CSTF3: variants seen among roughly 807,000 people sequenced by gnomAD.
CSTF3 encodes the protein cleavage stimulation factor subunit 3, also known as CF-1 77 kDa subunit.
In CSTF3, 29 loss-of-function variants were observed where a neutral mutation model predicts 105.8. That is an observed-to-expected ratio of 0.27 (90% confidence interval 0.20 to 0.37). The LOEUF (loss-of-function observed/expected upper bound fraction) is 0.37, where lower values mean the gene tolerates loss of function less well. Among genes scored for constraint, CSTF3 ranks in the 10% least tolerant of loss-of-function variants. The pLI is 1.00. For synonymous variants in CSTF3, 252 were observed against 281.9 expected (o/e 0.89, Z 1.06); for missense variants, 357 against 879.3 (o/e 0.41, Z 7.51).
chr11:33,094,508 G>A (rs7125950), intron 15 of CSTF3, among the ~76,000 whole-genome samples: 2,575 of 152,172 alleles, frequency 0.017, 84 homozygotes, highest in African/African-American at 0.058. Flanking sequence ...AATCATCTAA[G>A]ACACTGATTT....
At chr11:33,126,783 A>T (rs1855547387) in intron 3 of CSTF3, among the ~76,000 whole-genome samples, 1 of 152,234 alleles carries the variant, frequency 6.6e-6, no homozygotes, top group Non-Finnish European at 1.5e-5. Context: ...AAGTATTCAT[A>T]GTGCCATTAT....
chr11:33,119,105 T>TA (rs1167990905), intron 3 of CSTF3, among the ~76,000 whole-genome samples: 1 of 151,796 alleles, frequency 6.6e-6, no homozygotes, highest in Non-Finnish European at 1.5e-5. Flanking sequence ...ACCATTTACT[T>TA]AAAACTGTTT....
At chr11:33,115,053 T>C (rs1411272174) in intron 3 of CSTF3, among the ~76,000 whole-genome samples, 1 of 152,004 alleles carries the variant, frequency 6.6e-6, no homozygotes. Context: ...CTAAAGTGAG[T>C]TCTTATGGTA....
intron 3 of CSTF3, among the ~76,000 whole-genome samples, chr11:33,126,024 T>C (rs1855539358): frequency 6.6e-6 from 1 of 152,152 alleles, no homozygotes; most frequent in Non-Finnish European, 1.5e-5. Flanking sequence ...GTCTCCTTCA[T>C]AGTATTTTAT....
At chr11:33,143,767 G>C (rs529406200) in intron 1 of CSTF3, among the ~76,000 whole-genome samples, 33 of 151,958 alleles carry the variant, frequency 2.2e-4, no homozygotes, top group African/African-American at 8.0e-4. Flanking sequence ...GAGACAGGCA[G>C]ATTACAAGGT....
chr11:33,147,052 G>GCTA (rs1465407063), intron 1 of CSTF3, among the ~76,000 whole-genome samples: 7 of 152,010 alleles, frequency 4.6e-5, no homozygotes, highest in Non-Finnish European at 1.0e-4. Context: ...TGCAGCCCTA[G>GCTA]CTACTAGGCA....
Position 33,141,501 on chromosome 11 carries a change from A to C in CSTF3, c.225+166T>G, listed in dbSNP as rs1372004312. ...AATCATCAGCTTGTAAAAGACCCAA[A>C]TTTCAAAAATTCATTTTAATTACTC... On this transcript the variant is annotated intron_variant, in intron 3 of 20. Transcript: ENST00000323959. The C allele has an allele frequency of 3.0e-6, 4 of 1,322,540 alleles. No homozygotes were observed. In the African/African-American group the frequency reaches 4.6e-5, roughly 15 times the overall value. The allele number at this position is 1,322,540 out of a possible 1,614,324, so 81.9% of individuals were successfully genotyped here. A position where few individuals can be genotyped will look rare whatever the true frequency, so the allele number is the denominator to read the frequency against.
intron 1 of CSTF3, among the ~76,000 whole-genome samples, chr11:33,144,552 C>G (rs1855755993): frequency 6.6e-6 from 1 of 152,160 alleles, no homozygotes; most frequent in African/African-American, 2.4e-5. Context: ...ATATAATCAT[C>G]TGTTAGAATA....
intron 3 of CSTF3, among the ~76,000 whole-genome samples, chr11:33,128,540 T>C (rs1242295583): frequency 6.6e-6 from 1 of 152,196 alleles, no homozygotes; most frequent in African/African-American, 2.4e-5. Context: ...AGCCAACTTA[T>C]TAACCTAGCA....
intron 3 of CSTF3, among the ~76,000 whole-genome samples, chr11:33,116,980 C>T (rs1329081079): frequency 2.7e-5 from 4 of 150,918 alleles, no homozygotes; most frequent in Non-Finnish European, 3.0e-5. Context: ...GTAAAGTTTA[C>T]TTTTTATTAG....
intron 5 of CSTF3, 87 bp downstream of exon 5, chr11:33,107,816 T>C (rs960112362): frequency 4.5e-5 from 32 of 715,048 alleles, no homozygotes; most frequent in Middle Eastern, 2.4e-4. Flanking sequence ...TTCTTCCCAC[T>C]TGGGGCTAAC....
chr11:33,121,679 T>C (rs1159835833), intron 3 of CSTF3, among the ~76,000 whole-genome samples: 1 of 152,150 alleles, frequency 6.6e-6, no homozygotes, highest in Non-Finnish European at 1.5e-5. Context: ...GGTGCTGTCA[T>C]TAAAATGTAA....
chr11:33,101,000 C>A (rs946263998), intron 10 of CSTF3, among the ~76,000 whole-genome samples: 1 of 152,162 alleles, frequency 6.6e-6, no homozygotes, highest in African/African-American at 2.4e-5. Flanking sequence ...ACAAAAGCAA[C>A]TATCTAAATG....
rs1565004041 is a variant in CSTF3 at position 33,098,682 on chromosome 11, T to A, written c.1128+8A>T. The A allele has an allele frequency of 3.9e-6, 6 of 1,553,532 alleles. No homozygotes were observed. Among genetic ancestry groups the A allele is most frequent in the Non-Finnish European group, 5.3e-6 (6 of 1,137,196 alleles). On this transcript the variant is annotated splice_region_variant and intron_variant, in intron 13 of 20. Transcript: ENST00000323959. ...AAGGTGGAAAAAAAGATTTGTAAAG[T>A]TACTCACCAAGGTAGGGTCAATATC...
At chr11:33,100,744 C>G (rs1855273258) in intron 10 of CSTF3, among the ~76,000 whole-genome samples, 1 of 152,034 alleles carries the variant, frequency 6.6e-6, no homozygotes, top group African/African-American at 2.4e-5. Flanking sequence ...TAGCACAACA[C>G]CTGAAGAAGG....
In CSTF3 at chr11:33,085,251, G is replaced by A; in HGVS notation, c.1990C>T (p.Pro664Ser). 1 of 1,576,150 alleles carries A rather than the reference G, an allele frequency of 6.3e-7. No homozygotes were observed. The highest frequency in any genetic ancestry group is 8.6e-7 in the Non-Finnish European group (1 of 1,163,484). ...EAVRIITGGAPELAVEGNGPV... is the reference protein window; with the variant it reads ...EAVRIITGGASELAVEGNGPV... ...CCGTTGCCTTCTACAGCTAGCTCTG[G>A]GGCCCCACCAGTAATGATCCTCACA... The change falls in exon 21 of 21, where the codon CCA becomes TCA. Residue 664 changes from proline to serine, a missense_variant. Coordinates refer to ENST00000323959, the MANE Select transcript of CSTF3 (RefSeq NM_001326.3).
intron 1 of CSTF3, among the ~76,000 whole-genome samples, chr11:33,149,249 GTTT>G (rs1200019890): frequency 1.3e-5 from 2 of 152,104 alleles, no homozygotes; most frequent in African/African-American, 4.8e-5. Flanking sequence ...ATCACTAAAT[GTTT>G]TTTTCTGGCC....
intron 14 of CSTF3, 47 bp from the exon 15 acceptor site, chr11:33,096,455 A>T (rs2133772519): frequency 8.6e-7 from 1 of 1,160,420 alleles, no homozygotes; most frequent in Non-Finnish European, 1.3e-6. Flanking sequence ...AATGTCAGAT[A>T]AAAAACACTT....
At chr11:33,085,566 A>G (rs1198079896) in intron 20 of CSTF3, 147 bp downstream of exon 20, 11 of 713,766 alleles carry the variant, frequency 1.5e-5, no homozygotes, top group African/African-American at 3.6e-5. Flanking sequence ...TTCTCTGCCA[A>G]AGAGGGTTTG....
Sources: gnomAD v4.1 joint callset for allele counts (sites outside exome capture counted in the v4.1 genomes callset) on GRCh38, gnomAD v4.1.1 for gene constraint, MANE v1.5 for transcripts, NCBI Gene and HGNC (gene_info 2026-07-23, HGNC 2026-07-21) for gene names.